IL17RD: variants seen among roughly 807,000 people sequenced by gnomAD.
IL17RD encodes interleukin 17 receptor D, also known as interleukin-17 receptor D.
IL17RD carries 52 observed loss-of-function variants against 80.5 expected under a neutral mutation model. The ratio of observed to expected loss-of-function variants is 0.65; its 90% confidence interval spans 0.52 to 0.81. The LOEUF (loss-of-function observed/expected upper bound fraction) is 0.81, where lower values mean the gene tolerates loss of function less well. Ranked by LOEUF, IL17RD falls within the 40% of genes least tolerant of loss-of-function variation. The pLI, the probability that IL17RD is intolerant of heterozygous loss-of-function variation, is 0.00. For synonymous variants in IL17RD, 416 were observed against 391.8 expected (o/e 1.06, Z -0.73); for missense variants, 1,024 against 955.1 (o/e 1.07, Z -0.95).
intron 1 of IL17RD, chr3:57,134,831 G>C (rs765213378): frequency 2.0e-4 from 72 of 367,896 alleles, no homozygotes; most frequent in Middle Eastern, 1.8e-3. Context: ...CTAAGAATGG[G>C]GGCTAGGTGT....
chr3:57,121,761 C>A (rs1707344916), intron 1 of IL17RD, among the ~76,000 whole-genome samples: 1 of 152,202 alleles, frequency 6.6e-6, no homozygotes, highest in South Asian at 2.1e-4. Flanking sequence ...GCTCAACCTG[C>A]AGATGGCAGA....
At chr3:57,107,766 TCC>T (rs1706997373) in intron 5 of IL17RD, among the ~76,000 whole-genome samples, 1 of 152,084 alleles carries the variant, frequency 6.6e-6, no homozygotes, top group African/African-American at 2.4e-5. Flanking sequence ...GGGGTTCAAA[TCC>T]AACTCCCGGC....
intron 1 of IL17RD, among the ~76,000 whole-genome samples, chr3:57,153,777 A>G (rs2060246513): frequency 6.6e-6 from 1 of 152,218 alleles, no homozygotes. Flanking sequence ...GGACTCTAAT[A>G]TACAGGTGAC....
rs117832245 is a variant in IL17RD, at chr3:57,135,742, C to T, written c.127-15429G>A. On this transcript the variant is annotated intron_variant, in intron 1 of 12. Transcript: ENST00000296318. ...AGCCTAATAAAGTGAGTTAGGACCACTGGGCAAAATTCTTTCTAAGGGTCT... is the reference window on the plus strand; with the variant it reads ...AGCCTAATAAAGTGAGTTAGGACCATTGGGCAAAATTCTTTCTAAGGGTCT... Among the ~76,000 whole-genome samples, 209 of 152,298 alleles carry T rather than the reference C, an allele frequency of 1.4e-3. 4 individuals carry two copies. The East Asian group carries it at 0.035, about 26-fold the overall frequency.
In IL17RD at chr3:57,097,866, T is replaced by C. The variant is rs199715505; in HGVS notation, c.1837A>G (p.Thr613Ala). Residue 613 changes from threonine to alanine, a missense_variant, in exon 12 of 13, where the codon ACC (threonine) becomes GCC (alanine). Thr to Ala is a moderately conservative substitution (Grantham distance 58, BLOSUM62 0). Coordinates refer to ENST00000296318, the MANE Select transcript of IL17RD (RefSeq NM_017563.5). ...TCGTGCTGGGAGTCGGCTGGTCCGGTTGCCCCAAGAACAGCCGCCTCTACC... is the reference window on the plus strand; with the variant it reads ...TCGTGCTGGGAGTCGGCTGGTCCGGCTGCCCCAAGAACAGCCGCCTCTACC... ...LKVEAAVLGA[T>A]GPADSQHESQ... The C allele has an allele frequency of 3.5e-5, 57 of 1,613,506 alleles. No homozygotes were observed. The highest frequency in any genetic ancestry group is 4.6e-5 in the Non-Finnish European group (54 of 1,179,826).
At chr3:57,119,660 ACAGATTCAC>A in intron 2 of IL17RD, among the ~76,000 whole-genome samples, 1 of 18,086 alleles carries the variant, frequency 5.5e-5, no homozygotes, top group East Asian at 2.6e-4. Flanking sequence ...CCAGTTTCAC[ACAGATTCAC>A]CTTGTGTGAA....
intron 1 of IL17RD, among the ~76,000 whole-genome samples, chr3:57,127,407 TA>T (rs1477968824): frequency 2.5e-4 from 25 of 101,798 alleles, no homozygotes; most frequent in African/African-American, 8.7e-4. Context: ...TATATATATA[TA>T]TATATTTTTT....
intron 2 of IL17RD, 116 bp from the exon 3 acceptor site, chr3:57,114,933 G>C (rs1226538897): frequency 3.8e-6 from 3 of 798,770 alleles, no homozygotes; most frequent in Non-Finnish European, 5.5e-6. Context: ...TTCTGTTAAA[G>C]ATGTGTCCCT....
chr3:57,114,959 A>C (rs552028963), intron 2 of IL17RD, 142 bp from the exon 3 acceptor site: 2 of 603,288 alleles, frequency 3.3e-6, no homozygotes, highest in Admixed American at 7.1e-5. Flanking sequence ...GCCCAAAATA[A>C]GACATGAGAG....
Position 57,120,299 on chromosome 3 carries a change from G to A in IL17RD, c.141C>T (p.Ala47=). 6.2e-7 allele frequency: 1 copy of A among 1,613,604 alleles called. No homozygotes were observed. Among genetic ancestry groups the A allele is most frequent in the Non-Finnish European group, 8.5e-7 (1 of 1,179,534 alleles). The part of the protein sequence containing the change: ...DTCGWRGVGP[A]SRNSGLYNIT... ...TGTTGTACAGCCCACTGTTTCTGCT[G>A]GCTGGCCCCACTCCCTGTGGGAAAA... Residue 47 remains alanine (A), a synonymous_variant, in exon 2 of 13, where the codon GCC becomes GCT. Coordinates refer to ENST00000296318, the MANE Select transcript of IL17RD (RefSeq NM_017563.5).
In IL17RD at chr3:57,119,040, T is replaced by C. The variant is rs578144168; in HGVS notation, c.184+1216A>G. ...GGCTAACATGGCAAAACCCAGTCTC[T>C]ACTAAAAATACAAAAACTAACTGGG... is the stretch of plus-strand genomic sequence containing the variant. On this transcript the variant is annotated intron_variant, in intron 2 of 12. Coordinates refer to ENST00000296318, the MANE Select transcript of IL17RD (RefSeq NM_017563.5). Among the ~76,000 whole-genome samples the C allele has an allele frequency of 4.6e-5, 7 of 151,518 alleles. 1 individual carries two copies. In the East Asian group the frequency reaches 1.4e-3, roughly 30 times the overall value.
At chr3:57,115,620 G>C (rs1007045501) in intron 2 of IL17RD, among the ~76,000 whole-genome samples, 2 of 152,178 alleles carry the variant, frequency 1.3e-5, no homozygotes, top group African/African-American at 4.8e-5. Context: ...CTTCCGGCCA[G>C]AATCAGGCTG....
chr3:57,102,490 T>G lies in IL17RD; in HGVS notation c.968A>C (p.Lys323Thr), dbSNP rs762672560. The G allele has an allele frequency of 3.2e-6, 5 of 1,552,782 alleles. No homozygotes were observed. The highest frequency in any genetic ancestry group is 4.6e-5 in the East Asian group (2 of 43,412). The change falls in exon 10 of 13, where the codon AAG becomes ACG. Residue 323 changes from lysine to threonine, a missense_variant. Coordinates refer to ENST00000296318, the MANE Select transcript of IL17RD (RefSeq NM_017563.5). ...FATLFTVMCR[K>T]KQQENIYSHL... ...ACACAAAGAGATACCTTGTTGCTTC[T>G]TGCGGCACATCACAGTGAAGAGCGT...
At chr3:57,116,353 G>A (rs946844780) in intron 2 of IL17RD, among the ~76,000 whole-genome samples, 6 of 149,288 alleles carry the variant, frequency 4.0e-5, no homozygotes, top group Admixed American at 1.4e-4. Flanking sequence ...GCGCAATCTC[G>A]GCTCATGGCA....
Position 57,165,295 on chromosome 3 carries a change from G to A in IL17RD, c.-9C>T. 2.1e-6 allele frequency: 3 copies of A among 1,449,168 alleles called. No homozygotes were observed. The highest frequency in any genetic ancestry group is 1.8e-6 in the Non-Finnish European group (2 of 1,097,382). 89.8% of individuals were successfully genotyped at this position (1,449,168 alleles called of 1,614,324 possible). On this transcript the variant is annotated 5_prime_UTR_variant, in exon 1 of 13. Coordinates refer to ENST00000296318, the MANE Select transcript of IL17RD (RefSeq NM_017563.5). The stretch of plus-strand genomic sequence containing the variant: ...TGCAGCCACGGGGCCATGGCCGTGC[G>A]CTCGCCCAGCCAGGCCGTTCTCTGC...
intron 1 of IL17RD, among the ~76,000 whole-genome samples, chr3:57,152,467 C>T (rs1312722630): frequency 6.6e-6 from 1 of 152,216 alleles, no homozygotes; most frequent in Non-Finnish European, 1.5e-5. Flanking sequence ...GGGGAGGAGG[C>T]CCAGTCCTGA....
chr3:57,159,978 C>A (rs1343867658), intron 1 of IL17RD, among the ~76,000 whole-genome samples: 2 of 152,182 alleles, frequency 1.3e-5, no homozygotes, highest in African/African-American at 4.8e-5. Context: ...TCGAGACCAG[C>A]CTGGCCAACA....
Position 57,106,134 on chromosome 3 carries a change from G to A in IL17RD, c.571C>T (p.Pro191Ser), listed in dbSNP as rs774015041. Residue 191 changes from proline to serine, a missense_variant, in exon 6 of 13, where the codon CCG becomes TCG. By Grantham distance (74) the Pro-to-Ser change is moderately conservative. Coordinates refer to ENST00000296318, the MANE Select transcript of IL17RD (RefSeq NM_017563.5). ...CAGGGTTTACAAGCTAGATTGTCCG[G>A]CTGTAACAACAGGTCACAGGCTATT... ...RTRACDLLLQ[P>S]DNLACKPFWK... is the part of the protein sequence containing the mutation. 12 of 1,611,976 alleles carry A rather than the reference G, an allele frequency of 7.4e-6. No homozygotes were observed. The highest frequency in any genetic ancestry group is 1.7e-5 in the Admixed American group (1 of 59,866).
intron 1 of IL17RD, among the ~76,000 whole-genome samples, chr3:57,149,350 G>A (rs944381196): frequency 6.6e-6 from 1 of 151,148 alleles, no homozygotes. Context: ...CCTCTGCCTG[G>A]GCAGATCTCA....
Sources: allele counts gnomAD v4.1 joint callset (sites outside exome capture counted in the v4.1 genomes callset), GRCh38; gene constraint gnomAD v4.1.1; transcripts MANE v1.5; gene names NCBI Gene and HGNC (gene_info 2026-07-23, HGNC 2026-07-21).